MXD4: variants seen among roughly 807,000 people sequenced by gnomAD.
MXD4 encodes the protein Mad4 homolog.
MXD4 carries 16 observed loss-of-function variants against 24.5 expected under a neutral mutation model. The ratio of observed to expected loss-of-function variants is 0.65; its 90% confidence interval spans 0.44 to 0.99. MXD4 has a LOEUF of 0.99. MXD4 is among the 50% of genes least tolerant of loss of function. MXD4 has a pLI of 0.00. For missense variants in MXD4, 301 were observed against 301.5 expected (o/e 1.00, Z 0.01); for synonymous variants, 164 against 134.2 (o/e 1.22, Z -1.54).
intron 3 of MXD4, chr4:2,255,320 G>A (rs1355585044): frequency 2.2e-5 from 10 of 456,148 alleles, no homozygotes; most frequent in Admixed American, 7.0e-5. Flanking sequence ...GGGGAGGTCC[G>A]TGAACAGACC....
intron 3 of MXD4, chr4:2,254,649 A>G (rs1735390153): frequency 6.5e-6 from 1 of 152,884 alleles, no homozygotes; most frequent in African/African-American, 2.4e-5. Flanking sequence ...GAGCTCATAC[A>G]CATCAAAAAT....
rs1307352391 is a variant in MXD4, at chr4:2,250,419, C to G, written c.*125G>C. On this transcript the variant is annotated 3_prime_UTR_variant, in exon 6 of 6. Transcript: ENST00000337190. ...CGGGCAGTGCCAGGCAGCCCAGCAG[C>G]AGCTGGAGCTTCCAGAATGGCACAG... 2.4e-6 allele frequency: 3 copies of G among 1,257,204 alleles called. No homozygotes were observed. Among genetic ancestry groups the G allele is most frequent in the African/African-American group, 1.5e-5 (1 of 65,742 alleles). 77.9% of individuals were successfully genotyped at this position (1,257,204 alleles called of 1,614,324 possible).
chr4:2,258,242 G>C (rs544563337), intron 2 of MXD4, among the ~76,000 whole-genome samples: 2 of 152,138 alleles, frequency 1.3e-5, no homozygotes, highest in East Asian at 3.9e-4. Flanking sequence ...ACTCCGTGCC[G>C]GGGGAGCCGC....
chr4:2,260,928 G>A (rs1019269224), intron 2 of MXD4, among the ~76,000 whole-genome samples: 1 of 152,124 alleles, frequency 6.6e-6, no homozygotes, highest in East Asian at 1.9e-4. Context: ...CCGGCCCAGG[G>A]TCCCCACTCC....
chr4:2,260,689 T>C (rs953704247), intron 2 of MXD4: 2 of 421,098 alleles, frequency 4.7e-6, no homozygotes, highest in Non-Finnish European at 9.6e-6. Flanking sequence ...ACTCAACCAA[T>C]TCCTCGCCTG....
chr4:2,261,370 G>C (rs1735540645), intron 2 of MXD4, among the ~76,000 whole-genome samples: 1 of 152,192 alleles, frequency 6.6e-6, no homozygotes, highest in Non-Finnish European at 1.5e-5. Flanking sequence ...CCAGACCCAC[G>C]GGGCACCGGC....
In MXD4 at chr4:2,250,539, C is replaced by T. The variant is rs758209954; in HGVS notation, c.*5G>A. ...CAGGCAGGCCAAGGAGCAGAGGGCA[C>T]GGGCCTACGAGAGGGCGGGGCGGCC... is the stretch of plus-strand genomic sequence containing the variant. On this transcript the variant is annotated 3_prime_UTR_variant, in exon 6 of 6. Transcript: ENST00000337190. The T allele has an allele frequency of 8.3e-6, 13 of 1,570,490 alleles. No homozygotes were observed. The highest frequency in any genetic ancestry group is 2.7e-5 in the African/African-American group (2 of 73,864).
chr4:2,253,732 C>A (rs1425969016), intron 3 of MXD4: 1 of 152,232 alleles, frequency 6.6e-6, no homozygotes, highest in East Asian at 1.9e-4. Flanking sequence ...AGAGGAGGAG[C>A]CTGAAGAAGG....
chr4:2,257,899 G>A (rs1735462772), intron 3 of MXD4, 83 bp downstream of exon 3: 1 of 1,570,194 alleles, frequency 6.4e-7, no homozygotes, highest in Non-Finnish European at 8.7e-7. Flanking sequence ...CCCGGGACAG[G>A]GGCAGGCTCA....
At position 2,249,161 on chromosome 4, in the gene MXD4, C is replaced by T. The variant is rs566435716; in HGVS notation, c.*1383G>A. ...AAGCCCTGGCTGCCGGGAGGGGCTGCCCACAGGAGATGGGAGGACAGCACT... is the reference window on the plus strand; with the variant it reads ...AAGCCCTGGCTGCCGGGAGGGGCTGTCCACAGGAGATGGGAGGACAGCACT... On this transcript the variant is annotated 3_prime_UTR_variant, in exon 6 of 6. Coordinates refer to ENST00000337190, the MANE Select transcript of MXD4 (RefSeq NM_006454.3). 6.5e-6 allele frequency: 1 copy of T among 152,766 alleles called. No individual in the cohort carries two copies. The highest frequency in any genetic ancestry group is 2.1e-4 in the South Asian group (1 of 4,832). 9.5% of individuals were successfully genotyped at this position (152,766 alleles called of 1,614,324 possible).
At chr4:2,252,647 G>C in intron 3 of MXD4, 125 bp from the exon 4 acceptor site, 2 of 666,680 alleles carry the variant, frequency 3.0e-6, no homozygotes, top group Non-Finnish European at 5.1e-6. Flanking sequence ...CCCTCTCTAA[G>C]GATCCCCTCC....
chr4:2,258,016 T>G lies in MXD4; in HGVS notation c.165-5A>C, dbSNP rs779704621. 1 of 1,613,596 alleles carries G rather than the reference T, an allele frequency of 6.2e-7. No individual in the cohort carries two copies. The highest frequency in any genetic ancestry group is 2.2e-5 in the East Asian group (1 of 44,874). Reference sequence around the variant, plus strand: ...TCTAGCTCGTTGTGTGAAGACCTGTTTAGAAAGACAGAAAGACAGAGCTCA... The same window carrying G: ...TCTAGCTCGTTGTGTGAAGACCTGTGTAGAAAGACAGAAAGACAGAGCTCA... On this transcript the variant is annotated splice_polypyrimidine_tract_variant and splice_region_variant and intron_variant, in intron 2 of 5. Coordinates refer to ENST00000337190, the MANE Select transcript of MXD4 (RefSeq NM_006454.3).
At chr4:2,256,475 A>G (rs539451510) in intron 3 of MXD4, among the ~76,000 whole-genome samples, 1 of 152,242 alleles carries the variant, frequency 6.6e-6, no homozygotes, top group Non-Finnish European at 1.5e-5. Context: ...CTTTCTCAAG[A>G]CAGCACGCAG....
At chr4:2,256,742 C>G (rs1476953672) in intron 3 of MXD4, among the ~76,000 whole-genome samples, 1 of 152,102 alleles carries the variant, frequency 6.6e-6, no homozygotes, top group Non-Finnish European at 1.5e-5. Flanking sequence ...AAAGCCAGGT[C>G]AAAGGGCAGC....
At chr4:2,261,560 G>GGGCTGCGGCCGCGGCCTGCGCGC (rs1735546060) in intron 2 of MXD4, among the ~76,000 whole-genome samples, 165 bp downstream of exon 2, 1 of 147,414 alleles carries the variant, frequency 6.8e-6, no homozygotes, top group African/African-American at 2.4e-5. Context: ...CGGCCGGGCG[G>GGGCTGCGGCCGCGGCCTGCGCGC]GGCTGCGGCC....
chr4:2,252,735 G>A (rs930499103), intron 3 of MXD4: 10 of 524,974 alleles, frequency 1.9e-5, no homozygotes, highest in Middle Eastern at 5.0e-4. Flanking sequence ...TGGCAGAAGC[G>A]CCCAGCTCAC....
intron 4 of MXD4, 120 bp downstream of exon 4, chr4:2,252,288 A>C: frequency 1.3e-6 from 1 of 786,836 alleles, no homozygotes; most frequent in Non-Finnish European, 2.1e-6. Flanking sequence ...ATGGCTCCCC[A>C]CCCATCTTCA....
At chr4:2,257,374 C>T (rs559805015) in intron 3 of MXD4, among the ~76,000 whole-genome samples, 9 of 152,264 alleles carry the variant, frequency 5.9e-5, no homozygotes, top group African/African-American at 2.2e-4. Context: ...AGGGCTGCCT[C>T]TGCACTCACC....
At position 2,251,135 on chromosome 4, in the gene MXD4, C is replaced by T. The variant is rs756491716; in HGVS notation, c.421G>A (p.Val141Met). The T allele has an allele frequency of 1.3e-6, 2 of 1,599,886 alleles. No homozygotes were observed. The highest frequency in any genetic ancestry group is 1.7e-5 in the Admixed American group (1 of 58,714). Reference protein sequence around the residue: ...EQLSVQSVERVRTDSTGSAVS... With the variant: ...EQLSVQSVERMRTDSTGSAVS... ...GCAGAGCCCGTGCTATCTGTGCGCA[C>T]GCGCTCCACGCTCTGCACCGACAGC... is the stretch of plus-strand genomic sequence containing the variant. The change falls in exon 5 of 6, where the codon GTG becomes ATG. Residue 141 changes from valine to methionine, a missense_variant. Coordinates refer to ENST00000337190, the MANE Select transcript of MXD4 (RefSeq NM_006454.3).
Sources: gnomAD v4.1 joint callset for allele counts (sites outside exome capture counted in the v4.1 genomes callset) on GRCh38, gnomAD v4.1.1 for gene constraint, MANE v1.5 for transcripts, NCBI Gene and HGNC (gene_info 2026-07-23, HGNC 2026-07-21) for gene names.